The following LAMB4 variants were observed in gnomAD, a reference collection of about 807,000 sequenced individuals.
LAMB4 encodes laminin subunit beta-4.
In LAMB4, 196 loss-of-function variants were observed where a neutral mutation model predicts 199.2. That is an observed-to-expected ratio of 0.98 (90% CI 0.88 to 1.11). The LOEUF (loss-of-function observed/expected upper bound fraction) is 1.11, where lower values mean the gene tolerates loss of function less well. Among genes scored for constraint, LAMB4 ranks in the 50% least tolerant of loss-of-function variants. The pLI, the probability that LAMB4 is intolerant of heterozygous loss-of-function variation, is 0.00. For synonymous variants in LAMB4, 744 were observed against 770.6 expected, an observed-to-expected ratio of 0.97 and a Z score of 0.57; for missense variants, 2,080 against 2,171.2, an observed-to-expected ratio of 0.96 and a Z score of 0.83.
chr7:108,021,394 A>T (rs1222857994), downstream of LAMB4, among the ~76,000 whole-genome samples: 1 of 152,106 alleles, frequency 6.6e-6, no homozygotes, highest in Admixed American at 6.6e-5. Flanking sequence ...TGTTTGGTAG[A>T]AGCACTTATT....
At chr7:108,027,947 T>C (rs1563026638) in intron 33 of LAMB4, among the ~76,000 whole-genome samples, 1 of 152,090 alleles carries the variant, frequency 6.6e-6, no homozygotes, top group Non-Finnish European at 1.5e-5. Context: ...CACGCCTGGC[T>C]AATTTTTTTT....
chr7:108,098,375 CT>C, intron 11 of LAMB4, 27 bp downstream of exon 11: 1 of 1,567,224 alleles, frequency 6.4e-7, no homozygotes, highest in Non-Finnish European at 8.7e-7. Flanking sequence ...TTGATGGACA[CT>C]CCCCCGACCC....
chr7:108,068,306 T>C, intron 18 of LAMB4, 147 bp from the exon 19 acceptor site: 2 of 793,758 alleles, frequency 2.5e-6, no homozygotes, highest in Non-Finnish European at 3.9e-6. Context: ...TAATATAGAA[T>C]CTGCCTTGTG....
intron 25 of LAMB4, 59 bp from the exon 26 acceptor site, chr7:108,052,316 A>G: frequency 3.0e-6 from 4 of 1,339,434 alleles, no homozygotes; most frequent in Non-Finnish European, 4.0e-6. Flanking sequence ...TATATTGGTG[A>G]AAAAAATGCC....
intron 1 of LAMB4, 113 bp from the exon 2 acceptor site, chr7:108,123,310 GA>G: frequency 1.8e-6 from 1 of 570,948 alleles, no homozygotes; most frequent in East Asian, 3.0e-5. Flanking sequence ...TTAGACATAC[GA>G]AATAACCACA....
At chr7:108,114,444 T>G (rs193234504) in intron 3 of LAMB4, among the ~76,000 whole-genome samples, 3,195 of 148,942 alleles carry the variant, frequency 0.021, 102 homozygotes, top group African/African-American at 0.074. Flanking sequence ...ATCTAAAAAA[T>G]AGAGTTGAGA....
chr7:108,057,230 A>T (rs1485404125), intron 24 of LAMB4, among the ~76,000 whole-genome samples: 3 of 152,178 alleles, frequency 2.0e-5, no homozygotes, highest in Admixed American at 2.0e-4. Flanking sequence ...TCTATAAAAG[A>T]TGAAAGCATT....
chr7:108,074,529 T>C (rs1043348962), intron 17 of LAMB4, among the ~76,000 whole-genome samples: 1 of 151,986 alleles, frequency 6.6e-6, no homozygotes, highest in African/African-American at 2.4e-5. Context: ...CTGCTACACC[T>C]GACTAATTTT....
chr7:108,069,226 C>T (rs988677397), intron 18 of LAMB4, among the ~76,000 whole-genome samples: 6 of 152,252 alleles, frequency 3.9e-5, no homozygotes, highest in South Asian at 2.1e-4. Flanking sequence ...AGGGCAGTAC[C>T]GGTATAGGAT....
At chr7:108,097,841 A>G (rs931868961) in intron 11 of LAMB4, among the ~76,000 whole-genome samples, 2 of 152,236 alleles carry the variant, frequency 1.3e-5, no homozygotes, top group African/African-American at 4.8e-5. Context: ...AACCAAAAAA[A>G]CTTTTGCAAC....
chr7:108,040,260 G>T (rs1376448642), intron 29 of LAMB4, among the ~76,000 whole-genome samples: 63 of 152,162 alleles, frequency 4.1e-4, no homozygotes, highest in Non-Finnish European at 4.4e-5. Flanking sequence ...GAATCCAGAG[G>T]TGACTCAAAC....
chr7:108,102,519 A>C (rs1345770958), intron 10 of LAMB4, among the ~76,000 whole-genome samples: 1 of 152,228 alleles, frequency 6.6e-6, no homozygotes, highest in Admixed American at 6.5e-5. Context: ...AGAAAGTCCC[A>C]AGAGTGACAG....
In LAMB4 at chr7:108,043,545, G is replaced by GTTTTTTTTTTTT. The variant is rs748169558; in HGVS notation, c.4471+195_4471+206dup. Among the ~76,000 whole-genome samples the GTTTTTTTTTTTT allele has an allele frequency of 6.4e-4, 36 of 55,944 alleles. 3 individuals carry two copies. Among genetic ancestry groups the GTTTTTTTTTTTT allele is most frequent in the Non-Finnish European group, 8.4e-4 (29 of 34,498 alleles). 36.7% of individuals were successfully genotyped at this position (55,944 alleles called of 152,430 possible). The stretch of plus-strand genomic sequence containing the variant: ...AATATAATTTGGAACTGGCTATGAT[G>GTTTTTTTTTTTT]TTTTTTTTTTTTTTTTTTTTTTTTT... On this transcript the variant is annotated intron_variant, in intron 29 of 33. Coordinates refer to ENST00000388781, the MANE Select transcript of LAMB4 (RefSeq NM_007356.3).
chr7:108,027,940 G>C (rs534389261), intron 33 of LAMB4, among the ~76,000 whole-genome samples: 2 of 152,096 alleles, frequency 1.3e-5, no homozygotes, highest in East Asian at 3.9e-4. Context: ...GTGCCACCAC[G>C]CCTGGCTAAT....
At chr7:108,082,422 T>C (rs1425237445) in intron 14 of LAMB4, among the ~76,000 whole-genome samples, 1 of 151,682 alleles carries the variant, frequency 6.6e-6, no homozygotes, top group African/African-American at 2.4e-5. Flanking sequence ...GATAACTGTC[T>C]ATTGGGGAAG....
intron 6 of LAMB4, among the ~76,000 whole-genome samples, chr7:108,107,397 C>T (rs950028044): frequency 7.2e-5 from 11 of 152,148 alleles, no homozygotes; most frequent in African/African-American, 2.4e-4. Context: ...CATGGTGCCC[C>T]GTTTAAGTGT....
Position 108,104,524 on chromosome 7 carries a change from T to C in LAMB4, c.966A>G (p.Ala322=). The stretch of plus-strand genomic sequence containing the variant: ...ATCTGCAAGCGTTGTCCTGGAGGTC[T>C]GCAGCTGGCCTCCAAGGAGCATCCT... ...FFQDAPWRPA[A]DLQDNACRSC... Residue 322 remains alanine, a synonymous_variant, in exon 9 of 34, where the codon GCA becomes GCG. Transcript: ENST00000388781. 6.2e-7 allele frequency: 1 copy of C among 1,614,214 alleles called. No homozygotes were observed. Among genetic ancestry groups the C allele is most frequent in the Non-Finnish European group, 8.5e-7 (1 of 1,180,034 alleles).
At position 108,052,214 on chromosome 7, in the gene LAMB4, C is replaced by T. The variant is rs757455797; in HGVS notation, c.3799G>A (p.Glu1267Lys). ...ATTGTATCTTTCAGATCTTGAAATT[C>T]ATACACTGCTTTCAGTTGTTCATTT... is the stretch of plus-strand genomic sequence containing the variant. Reference protein sequence around the residue: ...QLNEQLKAVYEFQDLKDTIER... With the variant: ...QLNEQLKAVYKFQDLKDTIER... Residue 1267 changes from glutamate to lysine, a missense_variant, in exon 26 of 34, where the codon GAA becomes AAA. Glu to Lys is a moderately conservative substitution (Grantham distance 56, BLOSUM62 1). Coordinates refer to ENST00000388781, the MANE Select transcript of LAMB4 (RefSeq NM_007356.3). 6.2e-7 allele frequency: 1 copy of T among 1,610,140 alleles called. No homozygotes were observed. The highest frequency in any genetic ancestry group is 1.1e-5 in the South Asian group (1 of 90,124).
chr7:108,076,193 C>T (rs2036695182), intron 17 of LAMB4, among the ~76,000 whole-genome samples: 1 of 151,852 alleles, frequency 6.6e-6, no homozygotes, highest in Admixed American at 6.6e-5. Context: ...ATAGAAGCAA[C>T]TTATATGACC....
Sources: allele counts gnomAD v4.1 joint callset (sites outside exome capture counted in the v4.1 genomes callset), GRCh38; gene constraint gnomAD v4.1.1; transcripts MANE v1.5; gene names NCBI Gene and HGNC (gene_info 2026-07-23, HGNC 2026-07-21).